The following ZNF804A variants were observed in gnomAD, a reference collection of about 807,000 sequenced individuals.
The protein encoded by ZNF804A is zinc finger protein 804A.
A neutral mutation model predicts 16.5 loss-of-function variants in ZNF804A; 2 were observed. That is an observed-to-expected ratio of 0.12 (90% CI 0.05 to 0.38). The LOEUF (loss-of-function observed/expected upper bound fraction) is 0.38, where lower values mean the gene tolerates loss of function less well. Among genes scored for constraint, ZNF804A ranks in the 10% least tolerant of loss-of-function variants. The probability of loss-of-function intolerance (pLI) is 0.99; values close to 1 mark genes in which losing one functional copy is unlikely to be tolerated. For synonymous variants in ZNF804A, 534 were observed against 489.6 expected (o/e 1.09, Z -1.20); for missense variants, 1,473 against 1,390.7 (o/e 1.06, Z -0.94).
intron 1 of ZNF804A, among the ~76,000 whole-genome samples, chr2:184,709,433 T>A (rs1693087577): frequency 6.6e-6 from 1 of 152,050 alleles, no homozygotes; most frequent in Non-Finnish European, 1.5e-5. Flanking sequence ...TACTTCTGAT[T>A]TCTCTGAAAT....
At chr2:184,924,352 G>C (rs573597628) in intron 2 of ZNF804A, among the ~76,000 whole-genome samples, 59 of 151,782 alleles carry the variant, frequency 3.9e-4, no homozygotes, top group African/African-American at 1.4e-3. Context: ...ATATTTACAT[G>C]TAGTTGCTCA....
chr2:184,704,089 G>C (rs1056631051), intron 1 of ZNF804A, among the ~76,000 whole-genome samples: 1 of 151,908 alleles, frequency 6.6e-6, no homozygotes. Context: ...CCTGATAAGT[G>C]AATCTATAGT....
At position 184,782,339 on chromosome 2, in the gene ZNF804A, A is replaced by T. The variant is rs370307414; in HGVS notation, c.112-84030A>T. Among the ~76,000 whole-genome samples, 22 of 151,618 alleles carry T rather than the reference A, an allele frequency of 1.5e-4. No individual in the cohort carries two copies. In the East Asian group the frequency reaches 2.0e-3, roughly 14 times the overall value. ...GAAGGTGTTGCCAAAGAAGATTAAGATTTGAGTTAGTGAGCTGGGAAAGGC... is the reference window on the plus strand; with the variant it reads ...GAAGGTGTTGCCAAAGAAGATTAAGTTTTGAGTTAGTGAGCTGGGAAAGGC... On this transcript the variant is annotated intron_variant, in intron 1 of 3. Transcript: ENST00000302277.
At chr2:184,869,426 G>A (rs1172448313) in intron 2 of ZNF804A, among the ~76,000 whole-genome samples, 2 of 151,814 alleles carry the variant, frequency 1.3e-5, no homozygotes, top group African/African-American at 2.4e-5. Context: ...AAGGGAGGAG[G>A]ATTTATTAAT....
chr2:184,906,164 A>G (rs576305719), intron 2 of ZNF804A, among the ~76,000 whole-genome samples: 59 of 152,344 alleles, frequency 3.9e-4, no homozygotes, highest in African/African-American at 1.4e-3. Flanking sequence ...GGTTTTCTCT[A>G]AAGGATTCAT....
chr2:184,824,533 C>G (rs1695130780), intron 1 of ZNF804A, among the ~76,000 whole-genome samples: 1 of 151,772 alleles, frequency 6.6e-6, no homozygotes, highest in African/African-American at 2.4e-5. Flanking sequence ...GCTTATAACG[C>G]TCTCTTACGT....
chr2:184,814,532 T>C (rs1303741318), intron 1 of ZNF804A, among the ~76,000 whole-genome samples: 1 of 152,056 alleles, frequency 6.6e-6, no homozygotes, highest in East Asian at 1.9e-4. Context: ...CACAAACACG[T>C]AATTTAACAC....
intron 1 of ZNF804A, among the ~76,000 whole-genome samples, chr2:184,609,912 T>C (rs910492184): frequency 3.3e-5 from 5 of 152,174 alleles, no homozygotes; most frequent in African/African-American, 1.2e-4. Flanking sequence ...TAGAGGGCTA[T>C]GGTTTGAATA....
intron 2 of ZNF804A, among the ~76,000 whole-genome samples, chr2:184,911,101 A>G (rs1685349627): frequency 6.6e-6 from 1 of 151,884 alleles, no homozygotes; most frequent in Non-Finnish European, 1.5e-5. Context: ...CGATTCTTAT[A>G]GTTTGAAGTC....
rs141496508 is a variant in ZNF804A at position 184,897,031 on chromosome 2, C to T, written c.255+30519C>T. On this transcript the variant is annotated intron_variant, in intron 2 of 3. Coordinates refer to ENST00000302277, the MANE Select transcript of ZNF804A (RefSeq NM_194250.2). The stretch of plus-strand genomic sequence containing the variant: ...TGAATTCCTAGAATAGGTAAAATTT[C>T]TCATGTTGTACTATCTTTTTAATAT... Among the ~76,000 whole-genome samples the T allele has an allele frequency of 1.2e-4, 18 of 152,034 alleles. No individual in the cohort carries two copies. In the East Asian group the frequency reaches 3.3e-3, roughly 28 times the overall value.
At chr2:184,850,201 A>C (rs1357667694) in intron 1 of ZNF804A, among the ~76,000 whole-genome samples, 1 of 151,848 alleles carries the variant, frequency 6.6e-6, no homozygotes, top group South Asian at 2.1e-4. Flanking sequence ...TGTATGTTTT[A>C]AAATAATTAA....
chr2:184,804,710 AG>A (rs1227543422), intron 1 of ZNF804A, among the ~76,000 whole-genome samples: 6 of 152,246 alleles, frequency 3.9e-5, no homozygotes, highest in Non-Finnish European at 8.8e-5. Context: ...AAATTGAAAA[AG>A]CAAAGAAGGG....
At chr2:184,868,014 C>T (rs1695901189) in intron 2 of ZNF804A, among the ~76,000 whole-genome samples, 1 of 151,964 alleles carries the variant, frequency 6.6e-6, no homozygotes, top group African/African-American at 2.4e-5. Context: ...TAAAGTTAGC[C>T]CAAGGGCATT....
At chr2:184,774,452 G>A (rs964867274) in intron 1 of ZNF804A, among the ~76,000 whole-genome samples, 1 of 151,434 alleles carries the variant, frequency 6.6e-6, no homozygotes, top group Non-Finnish European at 1.5e-5. Flanking sequence ...CTCAGGGGTA[G>A]GTAAAAAAAA....
intron 1 of ZNF804A, among the ~76,000 whole-genome samples, chr2:184,843,368 T>C (rs767443493): frequency 6.6e-6 from 1 of 152,102 alleles, no homozygotes; most frequent in Non-Finnish European, 1.5e-5. Flanking sequence ...GTTCAAGCGA[T>C]TCTCCTGCCT....
At chr2:184,896,613 T>C (rs968216855) in intron 2 of ZNF804A, among the ~76,000 whole-genome samples, 1 of 152,136 alleles carries the variant, frequency 6.6e-6, no homozygotes, top group African/African-American at 2.4e-5. Context: ...TTTTCTTATT[T>C]TGAAAACCTG....
chr2:184,866,235 A>G, intron 1 of ZNF804A, 134 bp from the exon 2 acceptor site: 1 of 675,698 alleles, frequency 1.5e-6, no homozygotes, highest in Non-Finnish European at 2.3e-6. Context: ...TTGGTTTTCT[A>G]GTATTTGCTT....
At position 184,730,125 on chromosome 2, in the gene ZNF804A, T is replaced by G. The variant is rs182260694; in HGVS notation, c.111+131055T>G. Among the ~76,000 whole-genome samples, 628 of 152,288 alleles carry G rather than the reference T, an allele frequency of 4.1e-3. 4 individuals carry two copies. The highest frequency in any genetic ancestry group is 0.014 in the African/African-American group (590 of 41,568). On this transcript the variant is annotated intron_variant, in intron 1 of 3. Transcript: ENST00000302277. Reference sequence around the variant, plus strand: ...GATTCAGCTAAATCTCAGGGATTTTTTTCTTATTCTTTAATTTTAATAAGC... The same window carrying G: ...GATTCAGCTAAATCTCAGGGATTTTGTTCTTATTCTTTAATTTTAATAAGC...
At chr2:184,791,552 T>C (rs1694544668) in intron 1 of ZNF804A, among the ~76,000 whole-genome samples, 1 of 152,056 alleles carries the variant, frequency 6.6e-6, no homozygotes, top group Admixed American at 6.6e-5. Flanking sequence ...TTTAGAGCAG[T>C]TTTAGGTTCA....
Sources: allele counts gnomAD v4.1 joint callset (sites outside exome capture counted in the v4.1 genomes callset), GRCh38; gene constraint gnomAD v4.1.1; transcripts MANE v1.5; gene names NCBI Gene and HGNC (gene_info 2026-07-23, HGNC 2026-07-21).